Variants in PPM1B observed in about 807,000 individuals in gnomAD.
The protein encoded by PPM1B is protein phosphatase 1B.
A neutral mutation model predicts 43.0 loss-of-function variants in PPM1B; 22 were observed. The observed-to-expected ratio is 0.51, with a 90% CI of 0.37 to 0.73. The LOEUF (loss-of-function observed/expected upper bound fraction) is 0.73. Among genes scored for constraint, PPM1B ranks in the 30% least tolerant of loss-of-function variants. PPM1B has a pLI of 0.00. For synonymous variants in PPM1B, 217 were observed against 197.9 expected, an observed-to-expected ratio of 1.10 and a Z score of -0.81; for missense variants, 632 against 584.2, an observed-to-expected ratio of 1.08 and a Z score of -0.84.
Position 44,231,434 on chromosome 2 carries a change from G to GT in PPM1B, c.*719dup. ...AAGTGTTTAGAATGAAATTATAAGT[G>GT]TTTAAGTCCAAATAAAGCATGTGAT... On this transcript the variant is annotated 3_prime_UTR_variant, in exon 6 of 6. Transcript: ENST00000282412. The GT allele has an allele frequency of 1.0e-6, 1 of 974,994 alleles. No individual in the cohort carries two copies. Among genetic ancestry groups the GT allele is most frequent in the Non-Finnish European group, 1.2e-6 (1 of 820,516 alleles). 60.4% of individuals were successfully genotyped at this position (974,994 alleles called of 1,614,324 possible). A position where few individuals can be genotyped will look rare whatever the true frequency, so the allele number is the denominator to read the frequency against.
chr2:44,188,783 C>CTT, intron 1 of PPM1B, among the ~76,000 whole-genome samples: 1 of 148,210 alleles, frequency 6.7e-6, no homozygotes. Flanking sequence ...TCCTTCCTTC[C>CTT]CTCCTTCCCT....
At chr2:44,199,749 T>A (rs1033309080) in intron 1 of PPM1B, among the ~76,000 whole-genome samples, 1 of 152,210 alleles carries the variant, frequency 6.6e-6, no homozygotes, top group Non-Finnish European at 1.5e-5. Context: ...ATGATTTTAA[T>A]CTTATCCTTT....
chr2:44,215,681 A>G (rs1342781395), intron 3 of PPM1B, among the ~76,000 whole-genome samples: 1 of 152,208 alleles, frequency 6.6e-6, no homozygotes, highest in Non-Finnish European at 1.5e-5. Flanking sequence ...GAATTGATGA[A>G]TTATATATTT....
At chr2:44,239,399 T>A (rs899595889), downstream of PPM1B, among the ~76,000 whole-genome samples, 1 of 152,128 alleles carries the variant, frequency 6.6e-6, no homozygotes, top group Non-Finnish European at 1.5e-5. Context: ...ATACCAATCC[T>A]TTGTTATGCG....
At chr2:44,228,187 CT>C (rs372577752) in intron 5 of PPM1B, among the ~76,000 whole-genome samples, 3,372 of 115,126 alleles carry the variant, frequency 0.029, 142 homozygotes, top group African/African-American at 0.1. Flanking sequence ...CTAACAAGCC[CT>C]TTTTTTTTTT....
intron 3 of PPM1B, 128 bp downstream of exon 3, chr2:44,209,455 G>T: frequency 9.6e-7 from 1 of 1,045,296 alleles, no homozygotes. Flanking sequence ...TTTAGAGAGG[G>T]AAAGTATTCT....
chr2:44,176,379 G>A (rs1289497698), intron 1 of PPM1B, among the ~76,000 whole-genome samples: 2 of 152,188 alleles, frequency 1.3e-5, no homozygotes, highest in Non-Finnish European at 2.9e-5. Flanking sequence ...GACCAATAGT[G>A]CCTGGTACTG....
intron 1 of PPM1B, among the ~76,000 whole-genome samples, chr2:44,180,140 C>T (rs1051991218): frequency 6.6e-6 from 1 of 151,892 alleles, no homozygotes; most frequent in African/African-American, 2.4e-5. Flanking sequence ...AGGAACAAGG[C>T]AATTGCTTAA....
chr2:44,226,735 C>CT (rs60750702), intron 5 of PPM1B, among the ~76,000 whole-genome samples: 834 of 66,708 alleles, frequency 0.013, 3 homozygotes, highest in African/African-American at 0.02. Context: ...AGGTTTTTAT[C>CT]TTTTTTTTTT....
intron 3 of PPM1B, among the ~76,000 whole-genome samples, chr2:44,214,537 C>G (rs573013197): frequency 1.3e-5 from 2 of 152,200 alleles, no homozygotes; most frequent in African/African-American, 4.8e-5. Context: ...TTAAACTCAA[C>G]TTGGGGTCCC....
rs1394230003 is a variant in PPM1B at position 44,209,271 on chromosome 2, A to G, written c.908A>G (p.Asp303Gly). The G allele has an allele frequency of 6.2e-7, 1 of 1,614,060 alleles. No homozygotes were observed. Among genetic ancestry groups the G allele is most frequent in the East Asian group, 2.2e-5 (1 of 44,880 alleles). The change falls in exon 3 of 6, where the codon GAT (aspartate) becomes GGT (glycine). Residue 303 changes from aspartate to glycine, a missense_variant. Asp to Gly is a moderately conservative substitution (Grantham distance 94). This residue lies in a region of PPM1B where 392 missense variants were observed against 302.7 expected (regional missense o/e 1.29). Transcript: ENST00000282412. Reference protein sequence around the residue: ...VCFSNAPKVSDEAVKKDSELD... With the variant: ...VCFSNAPKVSGEAVKKDSELD... ...TTTTCAAATGCTCCCAAGGTCTCAGATGAAGCGGTGAAAAAAGATTCAGAG... is the reference window on the plus strand; with the variant it reads ...TTTTCAAATGCTCCCAAGGTCTCAGGTGAAGCGGTGAAAAAAGATTCAGAG...
At chr2:44,237,017 C>G (rs1185097591), downstream of PPM1B, among the ~76,000 whole-genome samples, 2 of 152,166 alleles carry the variant, frequency 1.3e-5, no homozygotes, top group East Asian at 1.9e-4. Flanking sequence ...GTAAAATAGT[C>G]AAATGTTAAC....
intron 5 of PPM1B, chr2:44,244,125 A>G (rs1670806558): frequency 2.2e-6 from 1 of 456,456 alleles, no homozygotes; most frequent in South Asian, 6.1e-5. Flanking sequence ...TTAAATGTAT[A>G]CCTTCTTAGA....
At chr2:44,220,970 A>G (rs1298126255) in intron 5 of PPM1B, among the ~76,000 whole-genome samples, 1 of 152,228 alleles carries the variant, frequency 6.6e-6, no homozygotes, top group Non-Finnish European at 1.5e-5. Flanking sequence ...GGTGAAAAAT[A>G]AGAATTTAGG....
intron 2 of PPM1B, among the ~76,000 whole-genome samples, chr2:44,207,687 C>T (rs938487071): frequency 6.6e-6 from 1 of 151,174 alleles, no homozygotes; most frequent in African/African-American, 2.4e-5. Context: ...GCGATCCTTC[C>T]ACCTTAGCCT....
At chr2:44,199,884 G>T (rs1409133768) in intron 1 of PPM1B, among the ~76,000 whole-genome samples, 1 of 152,058 alleles carries the variant, frequency 6.6e-6, no homozygotes, top group Non-Finnish European at 1.5e-5. Flanking sequence ...TGGTTCATCA[G>T]ATTTTTTTAA....
Position 44,201,071 on chromosome 2 carries a change from T to G in PPM1B, c.-14-115T>G. 1 of 1,120,522 alleles carries G rather than the reference T, an allele frequency of 8.9e-7. No homozygotes were observed. Among genetic ancestry groups the G allele is most frequent in the Non-Finnish European group, 1.2e-6 (1 of 818,226 alleles). The allele number at this position is 1,120,522 out of a possible 1,614,324, so 69.4% of individuals were successfully genotyped here. A position where few individuals can be genotyped will look rare whatever the true frequency, so the allele number is the denominator to read the frequency against. ...GGGCTTTTGTTGTTGCTCCCGTAAA[T>G]TAGGATAATACTAAAAAAAATACTT... On this transcript the variant is annotated intron_variant, in intron 1 of 5. Coordinates refer to ENST00000282412, the MANE Select transcript of PPM1B (RefSeq NM_002706.6). This position sits in a 1 kb window ranked among gnomAD's most constrained non-coding sequence, Gnocchi z 5.4.
downstream of PPM1B, chr2:44,234,331 C>T: frequency 1.5e-6 from 1 of 645,672 alleles, no homozygotes; most frequent in Non-Finnish European, 1.9e-6. Flanking sequence ...CCATCCTGGC[C>T]AACACGGTGA....
At chr2:44,236,520 A>AAT (rs1670628869), downstream of PPM1B, among the ~76,000 whole-genome samples, 2 of 151,888 alleles carry the variant, frequency 1.3e-5, no homozygotes, top group Non-Finnish European at 2.9e-5. Context: ...ATGGTTTTTA[A>AAT]TAACAGGAGA....
Sources: allele counts gnomAD v4.1 joint callset (sites outside exome capture counted in the v4.1 genomes callset), GRCh38; gene constraint gnomAD v4.1.1; regional missense constraint gnomAD v4.1.1; non-coding constraint Gnocchi (gnomAD v3.1); transcripts MANE v1.5; gene names NCBI Gene and HGNC (gene_info 2026-07-23, HGNC 2026-07-21).